The following EPN3 variants were observed in gnomAD, a reference collection of about 807,000 sequenced individuals.
EPN3 encodes the protein epsin-3.
In EPN3, 56 loss-of-function variants were observed where a neutral mutation model predicts 55.5. The ratio of observed to expected loss-of-function variants is 1.01; its 90% CI spans 0.81 to 1.26. EPN3 has a LOEUF of 1.26. Among genes scored for constraint, EPN3 ranks in the 50% most tolerant of loss-of-function variants. EPN3 has a pLI of 0.00. For missense variants in EPN3, 927 were observed against 853.4 expected, an observed-to-expected ratio of 1.09 and a Z score of -1.07; for synonymous variants, 449 against 375.2, an observed-to-expected ratio of 1.20 and a Z score of -2.27.
intron 9 of EPN3, 34 bp downstream of exon 9, chr17:50,541,728 T>C (rs1223538429): frequency 3.7e-6 from 6 of 1,609,120 alleles, no homozygotes; most frequent in Non-Finnish European, 5.1e-6. Context: ...ACCCAGGGGC[T>C]CCTGCTTTCA....
Position 50,542,279 on chromosome 17 carries a change from C to A in EPN3, c.*122C>A. ...CGCCGAGCCAGTGGCGGCTGGTATCCCGCGGCGGCTCTGGAAGCTGGACGC... is the reference window on the plus strand; with the variant it reads ...CGCCGAGCCAGTGGCGGCTGGTATCACGCGGCGGCTCTGGAAGCTGGACGC... On this transcript the variant is annotated 3_prime_UTR_variant, in exon 10 of 10. Coordinates refer to ENST00000268933, the MANE Select transcript of EPN3 (RefSeq NM_017957.3). 1 of 1,123,632 alleles carries A rather than the reference C, an allele frequency of 8.9e-7. No individual in the cohort carries two copies. The highest frequency in any genetic ancestry group is 1.2e-6 in the Non-Finnish European group (1 of 852,940). The allele number at this position is 1,123,632 out of a possible 1,614,324, so 69.6% of individuals were successfully genotyped here.
intron 1 of EPN3, chr17:50,534,579 T>G: frequency 6.1e-6 from 6 of 985,434 alleles, no homozygotes; most frequent in Non-Finnish European, 7.2e-6. Context: ...GGGCAGGAGT[T>G]AAACAAGTTG....
intron 1 of EPN3, among the ~76,000 whole-genome samples, chr17:50,534,881 G>A (rs1210417052): frequency 1.3e-5 from 2 of 152,212 alleles, no homozygotes; most frequent in African/African-American, 4.8e-5. Context: ...TGGGGCACGG[G>A]CTGGGATGGA....
At chr17:50,540,117 T>A in intron 5 of EPN3, 130 bp from the exon 6 acceptor site, 1 of 671,706 alleles carries the variant, frequency 1.5e-6, no homozygotes, top group Non-Finnish European at 2.6e-6. Flanking sequence ...TGTGCAGAGG[T>A]GAGGGATCAT....
chr17:50,542,477 G>A lies in EPN3; in HGVS notation c.*320G>A, dbSNP rs1016107466. The A allele has an allele frequency of 3.2e-6, 1 of 313,638 alleles. No individual in the cohort carries two copies. Among genetic ancestry groups the A allele is most frequent in the Non-Finnish European group, 5.8e-6 (1 of 172,124 alleles). The allele number at this position is 313,638 out of a possible 1,614,324, so 19.4% of individuals were successfully genotyped here. Reference sequence around the variant, plus strand: ...GCTGCACAACGTGGGGTGCAAAACTGCCCCGCTTCCTTTACAGCTCTTCTC... The same window carrying A: ...GCTGCACAACGTGGGGTGCAAAACTACCCCGCTTCCTTTACAGCTCTTCTC... On this transcript the variant is annotated 3_prime_UTR_variant, in exon 10 of 10. Coordinates refer to ENST00000268933, the MANE Select transcript of EPN3 (RefSeq NM_017957.3).
chr17:50,540,828 T>C lies in EPN3; in HGVS notation c.1015T>C (p.Trp339Arg), dbSNP rs1338858299. 6.2e-7 allele frequency: 1 copy of C among 1,613,788 alleles called. No homozygotes were observed. ...RPNTEASGSSWGPSADPWSPI... is the reference protein window; with the variant it reads ...RPNTEASGSSRGPSADPWSPI... ...GAACACAGAGGCCAGTGGATCCTCC[T>C]GGGGGCCTTCTGCAGACCCCTGGTC... Residue 339 changes from tryptophan (W) to arginine (R), a missense_variant, in exon 7 of 10, where the codon TGG becomes CGG. Coordinates refer to ENST00000268933, the MANE Select transcript of EPN3 (RefSeq NM_017957.3).
At position 50,536,656 on chromosome 17, in the gene EPN3, G is replaced by T. The variant is rs887163366; in HGVS notation, c.100G>T (p.Gly34Cys). 1 of 1,613,910 alleles carries T rather than the reference G, an allele frequency of 6.2e-7. No individual in the cohort carries two copies. Among genetic ancestry groups the T allele is most frequent in the African/African-American group, 1.3e-5 (1 of 74,950 alleles). Reference protein sequence around the residue: ...VREATSNDPWGPPSSLMSEIA... With the variant: ...VREATSNDPWCPPSSLMSEIA... ...CGAGGCCACCAGCAATGACCCCTGG[G>T]GCCCCCCTAGTTCGCTCATGTCCGA... The change falls in exon 2 of 10, where the codon GGC becomes TGC. Residue 34 changes from glycine to cysteine, a missense_variant. Gly to Cys is a radical substitution (Grantham distance 159). Transcript: ENST00000268933.
rs767542735 is a variant in EPN3, at chr17:50,540,353, AAG to A, written c.979+23_979+24del. 3.7e-6 allele frequency: 6 copies of A among 1,601,012 alleles called. No individual in the cohort carries two copies. Among genetic ancestry groups the A allele is most frequent in the Non-Finnish European group, 5.1e-6 (6 of 1,174,890 alleles). ...ATCCCAGGTGGGCATGCAGGGCTGC[AAG>A]AGACTTCCAGGCTGGCCCAAGAGCC... On this transcript the variant is annotated intron_variant, in intron 6 of 9. Transcript: ENST00000268933.
Position 50,542,056 on chromosome 17 carries a change from C to T in EPN3, c.1798C>T (p.Pro600Ser), listed in dbSNP as rs1597864777. 6.3e-7 allele frequency: 1 copy of T among 1,592,658 alleles called. No homozygotes were observed. Among genetic ancestry groups the T allele is most frequent in the East Asian group, 2.3e-5 (1 of 44,168 alleles). Residue 600 changes from proline to serine, a missense_variant, in exon 10 of 10, where the codon CCG becomes TCG. Pro to Ser is a moderately conservative substitution (Grantham distance 74, BLOSUM62 -1). Transcript: ENST00000268933. ...LTLPASVSVFPQAGAFAPQPL... is the reference protein window; with the variant it reads ...LTLPASVSVFSQAGAFAPQPL... ...CCTCCCCGCCTCGGTTAGCGTCTTC[C>T]CGCAGGCCGGAGCCTTCGCACCGCA...
Position 50,542,156 on chromosome 17 carries a change from G to A in EPN3, c.1898G>A (p.Ter633=). 2.0e-6 allele frequency: 3 copies of A among 1,496,066 alleles called. No individual in the cohort carries two copies. The highest frequency in any genetic ancestry group is 4.3e-4 in the Middle Eastern group (2 of 4,624). 92.7% of individuals were successfully genotyped at this position (1,496,066 alleles called of 1,614,324 possible). A position where few individuals can be genotyped will look rare whatever the true frequency, so the allele number is the denominator to read the frequency against. Reference sequence around the variant, plus strand: ...CAGACCGGCACCAACCCCTTCCTCTGAGCCCCGCCCCGTCCCATACCGGCC... The same window carrying A: ...CAGACCGGCACCAACCCCTTCCTCTAAGCCCCGCCCCGTCCCATACCGGCC... ...PPQTGTNPFL[*] Residue 633 remains the stop codon, a stop_retained_variant, in exon 10 of 10, where the codon TGA becomes TAA. Transcript: ENST00000268933.
intron 2 of EPN3, 24 bp from the exon 3 acceptor site, chr17:50,538,055 A>G (rs996647641): frequency 1.3e-5 from 21 of 1,585,468 alleles, no homozygotes; most frequent in Non-Finnish European, 1.8e-5. Context: ...TCGTGTGGTC[A>G]CAGAGACATG....
chr17:50,541,415 G>A, intron 8 of EPN3, 49 bp from the exon 9 acceptor site: 4 of 1,608,336 alleles, frequency 2.5e-6, no homozygotes, highest in East Asian at 2.2e-5. Flanking sequence ...CTCCCACGTC[G>A]GGCGCCAATC....
chr17:50,533,691 T>C (rs890436814), intron 1 of EPN3, among the ~76,000 whole-genome samples: 1 of 152,290 alleles, frequency 6.6e-6, no homozygotes, highest in East Asian at 1.9e-4. Flanking sequence ...CCCTCCCTAC[T>C]GCGCAGTTCT....
chr17:50,539,249 C>T lies in EPN3; in HGVS notation c.825C>T (p.His275=), dbSNP rs766344605. The T allele has an allele frequency of 4.3e-6, 7 of 1,614,168 alleles. No individual in the cohort carries two copies. Among genetic ancestry groups the T allele is most frequent in the Non-Finnish European group, 5.9e-6 (7 of 1,180,046 alleles). The change falls in exon 5 of 10, where the codon CAC becomes CAT. Residue 275 remains histidine, a synonymous_variant. Transcript: ENST00000268933. The part of the protein sequence containing the change: ...PMANGAGAVV[H]HQRDREPERE... Reference sequence around the variant, plus strand: ...CCAATGGTGCAGGGGCCGTGGTCCACCATCAGCGGGACAGAGAGCCTGAGA... The same window carrying T: ...CCAATGGTGCAGGGGCCGTGGTCCATCATCAGCGGGACAGAGAGCCTGAGA...
intron 1 of EPN3, 123 bp from the exon 2 acceptor site, chr17:50,536,298 G>C: frequency 1.5e-6 from 1 of 677,722 alleles, no homozygotes; most frequent in Non-Finnish European, 2.3e-6. Flanking sequence ...ATAAGAACGT[G>C]TGCCGCTGAA....
intron 6 of EPN3, 143 bp downstream of exon 6, chr17:50,540,477 G>A: frequency 1.3e-6 from 1 of 768,942 alleles, no homozygotes; most frequent in South Asian, 1.8e-5. Flanking sequence ...CGCCGCCTGT[G>A]GGACAGGCTT....
In EPN3 at chr17:50,541,481, G is replaced by A. The variant is rs1457761287; in HGVS notation, c.1372G>A (p.Asp458Asn). 21 of 1,613,910 alleles carry A rather than the reference G, an allele frequency of 1.3e-5. No individual in the cohort carries two copies. The highest frequency in any genetic ancestry group is 1.8e-5 in the Non-Finnish European group (21 of 1,179,992). Reference protein sequence around the residue: ...SSPVELDLFGDPSPSSKQNGT... With the variant: ...SSPVELDLFGNPSPSSKQNGT... ...TATTCCAGAGCTGGACCTGTTTGGA[G>A]ACCCCAGCCCCAGTTCCAAGCAAAA... is the stretch of plus-strand genomic sequence containing the variant. Residue 458 changes from aspartate to asparagine, a missense_variant, in exon 9 of 10, where the codon GAC (aspartate) becomes AAC (asparagine). Coordinates refer to ENST00000268933, the MANE Select transcript of EPN3 (RefSeq NM_017957.3).
At position 50,542,201 on chromosome 17, in the gene EPN3, C is replaced by A; in HGVS notation, c.*44C>A. ...CCGGCCTGCGCCTGCGCCGGACGCTCCGCGGCCCCGCCTCCGGACCCGGGG... is the reference window on the plus strand; with the variant it reads ...CCGGCCTGCGCCTGCGCCGGACGCTACGCGGCCCCGCCTCCGGACCCGGGG... On this transcript the variant is annotated 3_prime_UTR_variant, in exon 10 of 10. Transcript: ENST00000268933. 7.0e-7 allele frequency: 1 copy of A among 1,421,108 alleles called. No homozygotes were observed. Among genetic ancestry groups the A allele is most frequent in the Non-Finnish European group, 9.1e-7 (1 of 1,097,380 alleles). 88.0% of individuals were successfully genotyped at this position (1,421,108 alleles called of 1,614,324 possible). A position where few individuals can be genotyped will look rare whatever the true frequency, so the allele number is the denominator to read the frequency against.
At position 50,535,038 on chromosome 17, in the gene EPN3, T is replaced by C. The variant is rs563658541; in HGVS notation, c.-136-1383T>C. Among the ~76,000 whole-genome samples, 4 of 152,292 alleles carry C rather than the reference T, an allele frequency of 2.6e-5. No individual in the cohort carries two copies. In the South Asian group the frequency reaches 8.3e-4, roughly 32 times the overall value. The stretch of plus-strand genomic sequence containing the variant: ...TGGTCAGGGAATTCCTCTTTTGGTT[T>C]CTGAAAGGGCCTTTGGGAGGACCTT... On this transcript the variant is annotated intron_variant, in intron 1 of 9. Transcript: ENST00000268933.
Sources: gnomAD v4.1 joint callset for allele counts (sites outside exome capture counted in the v4.1 genomes callset) on GRCh38, gnomAD v4.1.1 for gene constraint, MANE v1.5 for transcripts, NCBI Gene and HGNC (gene_info 2026-07-23, HGNC 2026-07-21) for gene names.